Variants in GLIS3 observed in about 807,000 individuals in gnomAD.
The protein encoded by GLIS3 is GLIS family zinc finger 3.
Under a neutral mutation model 78.6 loss-of-function variants are expected in GLIS3, and 53 were observed. The observed-to-expected ratio is 0.67, with a 90% confidence interval of 0.54 to 0.85. The LOEUF is 0.85. Ranked by LOEUF, GLIS3 falls within the 40% of genes least tolerant of loss-of-function variation. The probability of loss-of-function intolerance (pLI) is 0.00; values close to 1 mark genes in which losing one functional copy is unlikely to be tolerated. For synonymous variants in GLIS3, 684 were observed against 509.9 expected (o/e 1.34, Z -4.60); for missense variants, 1,703 against 1,231.1 (o/e 1.38, Z -5.74).
At chr9:4,263,446 A>G (rs989418268) in intron 2 of GLIS3, among the ~76,000 whole-genome samples, 5 of 152,192 alleles carry the variant, frequency 3.3e-5, no homozygotes, top group Admixed American at 2.6e-4. Flanking sequence ...TGATAATCAT[A>G]TAATTTTGCC....
At chr9:3,879,119 C>T (rs76657728) in intron 8 of GLIS3, among the ~76,000 whole-genome samples, 1,553 of 152,174 alleles carry the variant, frequency 0.01, 31 homozygotes, top group African/African-American at 0.035. Flanking sequence ...TATACATTAC[C>T]TTAAAATTGG....
At chr9:4,258,409 G>T (rs771491438) in intron 2 of GLIS3, among the ~76,000 whole-genome samples, 14 of 152,176 alleles carry the variant, frequency 9.2e-5, no homozygotes, top group Non-Finnish European at 1.8e-4. Flanking sequence ...GACGGTATTG[G>T]GAAATACCTT....
the GLIS3 span, among the ~76,000 whole-genome samples, chr9:4,372,554 T>TA: frequency 0.33 from 44,846 of 137,758 alleles, 7,796 homozygotes; most frequent in Admixed American, 0.4. Flanking sequence ...GACCCTCCAA[T>TA]AAAAAAAAAA....
chr9:4,316,080 T>C (rs568903035), intron 2 of GLIS3, among the ~76,000 whole-genome samples: 1 of 152,348 alleles, frequency 6.6e-6, no homozygotes, highest in African/African-American at 2.4e-5. Flanking sequence ...TATGTATGTA[T>C]ATGCTATTCC....
intron 4 of GLIS3, among the ~76,000 whole-genome samples, chr9:3,996,747 G>T (rs568413257): frequency 1.3e-5 from 2 of 152,180 alleles, no homozygotes; most frequent in African/African-American, 4.8e-5. Flanking sequence ...TCCAACATTG[G>T]TTTTTTTAGA....
At chr9:4,117,702 A>C in intron 4 of GLIS3, 66 bp downstream of exon 4, 1 of 1,596,892 alleles carries the variant, frequency 6.3e-7, no homozygotes, top group Non-Finnish European at 8.6e-7. Context: ...AGTTAGGAAA[A>C]AACACACGTA....
At chr9:3,834,005 A>C (rs1563759158) in intron 9 of GLIS3, among the ~76,000 whole-genome samples, 1 of 152,192 alleles carries the variant, frequency 6.6e-6, no homozygotes, top group East Asian at 1.9e-4. Context: ...AGAAGGCAAA[A>C]ATTATTTTTT....
chr9:4,327,530 G>T (rs1279908208), intron 2 of GLIS3, among the ~76,000 whole-genome samples: 1 of 152,166 alleles, frequency 6.6e-6, no homozygotes, highest in Admixed American at 6.5e-5. Context: ...GGGAGTAAAA[G>T]GTGAGGATGA....
At chr9:3,836,395 C>T (rs928800944) in intron 9 of GLIS3, among the ~76,000 whole-genome samples, 3 of 152,178 alleles carry the variant, frequency 2.0e-5, no homozygotes, top group African/African-American at 7.2e-5. Flanking sequence ...CGATTTTGGC[C>T]CCAGTCATAT....
At chr9:3,986,902 C>A (rs1023316870) in intron 4 of GLIS3, among the ~76,000 whole-genome samples, 4 of 152,264 alleles carry the variant, frequency 2.6e-5, no homozygotes, top group Admixed American at 6.5e-5. Flanking sequence ...ATGAAATGTG[C>A]AGGATATAAT....
chr9:3,962,315 G>C (rs1039670307), intron 4 of GLIS3, among the ~76,000 whole-genome samples: 2 of 151,806 alleles, frequency 1.3e-5, no homozygotes, highest in African/African-American at 4.8e-5. Context: ...ACTGAGTTTA[G>C]AATAATTGGC....
At chr9:3,842,123 A>G (rs571586925) in intron 9 of GLIS3, among the ~76,000 whole-genome samples, 2 of 152,154 alleles carry the variant, frequency 1.3e-5, no homozygotes, top group African/African-American at 2.4e-5. Flanking sequence ...CTGCATCTCA[A>G]TTCCCTTCAG....
chr9:4,438,377 A>T, the GLIS3 span, among the ~76,000 whole-genome samples: 1 of 152,196 alleles, frequency 6.6e-6, no homozygotes, highest in South Asian at 2.1e-4. Flanking sequence ...AAAGCAATTA[A>T]AGGCAAAATG....
chr9:4,196,535 G>C (rs561889179), intron 2 of GLIS3, among the ~76,000 whole-genome samples: 1 of 152,288 alleles, frequency 6.6e-6, no homozygotes, highest in African/African-American at 2.4e-5. Context: ...CCTGAGGCCA[G>C]CAAGACCACG....
intron 9 of GLIS3, among the ~76,000 whole-genome samples, chr9:3,847,141 G>A (rs1197265229): frequency 2.6e-5 from 4 of 152,090 alleles, no homozygotes; most frequent in Non-Finnish European, 5.9e-5. Flanking sequence ...CCGAGATCGC[G>A]CCTCTGTACT....
intron 4 of GLIS3, chr9:4,054,610 G>T (rs1000995591): frequency 5.7e-6 from 2 of 348,054 alleles, no homozygotes; most frequent in African/African-American, 4.5e-5. Flanking sequence ...AGAGCTTAAA[G>T]ATCTAATTGT....
intron 4 of GLIS3, among the ~76,000 whole-genome samples, chr9:3,952,573 T>C (rs1470143465): frequency 3.9e-5 from 6 of 152,228 alleles, no homozygotes; most frequent in African/African-American, 2.4e-5. Context: ...TCACAGTGCC[T>C]GGAACTTGCC....
chr9:4,373,840 G>A, the GLIS3 span, among the ~76,000 whole-genome samples: 1 of 152,018 alleles, frequency 6.6e-6, no homozygotes, highest in Non-Finnish European at 1.5e-5. Flanking sequence ...GTTAATTTTT[G>A]TATTTTTAGT....
At chr9:4,013,780 A>G (rs770861176) in intron 4 of GLIS3, among the ~76,000 whole-genome samples, 3 of 152,182 alleles carry the variant, frequency 2.0e-5, no homozygotes, top group Non-Finnish European at 2.9e-5. Flanking sequence ...ATGAATTAGT[A>G]TTGTCACAGG....
Sources: allele counts gnomAD v4.1 joint callset (sites outside exome capture counted in the v4.1 genomes callset), GRCh38; gene constraint gnomAD v4.1.1; transcripts MANE v1.5; gene names NCBI Gene and HGNC (gene_info 2026-07-23, HGNC 2026-07-21).